The following CUBN variants were observed in gnomAD, a reference collection of about 807,000 sequenced individuals.
CUBN encodes the protein cubilin, also known as 460 kDa receptor.
A neutral mutation model predicts 405.3 loss-of-function variants in CUBN; 282 were observed. The observed-to-expected ratio is 0.70, with a 90% confidence interval of 0.63 to 0.77. The LOEUF is 0.77. Among genes scored for constraint, CUBN ranks in the 30% least tolerant of loss-of-function variants. CUBN has a pLI of 0.00. For missense variants in CUBN, 4,514 were observed against 4,475.2 expected, an observed-to-expected ratio of 1.01 and a Z score of -0.25; for synonymous variants, 1,684 against 1,617.0, an observed-to-expected ratio of 1.04 and a Z score of -0.99.
intron 27 of CUBN, among the ~76,000 whole-genome samples, chr10:17,023,021 A>T (rs969696563): frequency 3.3e-5 from 5 of 152,236 alleles, no homozygotes; most frequent in Admixed American, 6.5e-5. Context: ...GCACAAGGTC[A>T]TGAACAGCAT....
At position 17,081,885 on chromosome 10, in the gene CUBN, G is replaced by C. The variant is rs551881005; in HGVS notation, c.2301+2386C>G. Among the ~76,000 whole-genome samples the C allele has an allele frequency of 1.3e-3, 195 of 152,204 alleles. 1 individual carries two copies. Among genetic ancestry groups the C allele is most frequent in the African/African-American group, 4.5e-3 (185 of 41,520 alleles). On this transcript the variant is annotated intron_variant, in intron 17 of 66. Transcript: ENST00000377833. ...CAGGTTGGTTGTATTCCTTTAGGTT[G>C]GTTGGTCAAAGATATAATATAAAAA...
Position 16,928,286 on chromosome 10 carries a change from G to A in CUBN, c.6142C>T (p.Gln2048Ter). 6.2e-7 allele frequency: 1 copy of A among 1,613,812 alleles called. No homozygotes were observed. The highest frequency in any genetic ancestry group is 8.5e-7 in the Non-Finnish European group (1 of 1,179,894). Reference sequence around the variant, plus strand: ...CTGCCACAGAGAACTGCTAGCTGCTGGGCCAAGTTATTATCTCCTACGTTG... The same window carrying A: ...CTGCCACAGAGAACTGCTAGCTGCTAGGCCAAGTTATTATCTCCTACGTTG... ...VIRDGDNNLA[Q>*]QLAVLCGREI... Residue 2048 changes from glutamine (Q) to a stop codon, truncating the protein, a stop_gained, in exon 41 of 67, where the codon CAG becomes TAG. Coordinates refer to ENST00000377833, the MANE Select transcript of CUBN (RefSeq NM_001081.4). LOFTEE classifies it high-confidence loss of function.
At chr10:17,056,852 T>G (rs1835407283) in intron 22 of CUBN, among the ~76,000 whole-genome samples, 1 of 148,580 alleles carries the variant, frequency 6.7e-6, no homozygotes, top group Non-Finnish European at 1.5e-5. Flanking sequence ...AACATATGAC[T>G]CATTAATAAG....
At chr10:17,017,045 T>C (rs906166007) in intron 28 of CUBN, among the ~76,000 whole-genome samples, 3 of 152,164 alleles carry the variant, frequency 2.0e-5, no homozygotes, top group African/African-American at 7.2e-5. Flanking sequence ...CCACCTCTTT[T>C]TCAGGGTTTG....
intron 31 of CUBN, among the ~76,000 whole-genome samples, chr10:16,961,007 C>G (rs2131644682): frequency 6.6e-6 from 1 of 152,284 alleles, no homozygotes; most frequent in Non-Finnish European, 1.5e-5. Context: ...CAAGTCCCCT[C>G]CACATCCTCA....
intron 56 of CUBN, among the ~76,000 whole-genome samples, chr10:16,883,620 A>AT (rs879933303): frequency 6.6e-5 from 10 of 151,998 alleles, no homozygotes; most frequent in East Asian, 1.9e-4. Context: ...TCTAAAACTA[A>AT]TTTTTTTTTA....
rs573961819 is a variant in CUBN, at chr10:17,112,717, A to G, written c.883+1310T>C. Reference sequence around the variant, plus strand: ...TCTAAATATATACACGCAGAAAACCACTAAACCAAAAATCACTACATGGGG... The same window carrying G: ...TCTAAATATATACACGCAGAAAACCGCTAAACCAAAAATCACTACATGGGG... On this transcript the variant is annotated intron_variant, in intron 8 of 66. Transcript: ENST00000377833. 6.6e-5 allele frequency among the ~76,000 whole-genome samples: 10 copies of G among 152,076 alleles called. No homozygotes were observed. The South Asian group carries it at 2.1e-3, about 32-fold the overall frequency.
chr10:16,905,770 T>A (rs1431811640), intron 50 of CUBN, among the ~76,000 whole-genome samples: 1 of 152,104 alleles, frequency 6.6e-6, no homozygotes, highest in African/African-American at 2.4e-5. Flanking sequence ...TGTGTACCTA[T>A]GTTAGAGCCA....
At chr10:17,050,557 G>A (rs1387377080) in intron 22 of CUBN, among the ~76,000 whole-genome samples, 3 of 152,186 alleles carry the variant, frequency 2.0e-5, no homozygotes, top group Non-Finnish European at 2.9e-5. Flanking sequence ...AGCTAAGCCT[G>A]GGCTGAGAAT....
At chr10:16,904,236 A>G (rs780439767) in intron 50 of CUBN, 121 bp from the exon 51 acceptor site, 16 of 929,058 alleles carry the variant, frequency 1.7e-5, no homozygotes, top group Non-Finnish European at 2.8e-5. Flanking sequence ...CTGATTTAGT[A>G]GCAGACATTG....
intron 10 of CUBN, among the ~76,000 whole-genome samples, chr10:17,109,024 AAATAAT>A (rs1836704372): frequency 6.6e-6 from 1 of 152,210 alleles, no homozygotes; most frequent in Non-Finnish European, 1.5e-5. Context: ...CCAAGATGAA[AAATAAT>A]AATAATATCT....
chr10:17,107,748 C>T (rs1020269710), intron 10 of CUBN, among the ~76,000 whole-genome samples: 3 of 152,020 alleles, frequency 2.0e-5, no homozygotes, highest in Admixed American at 6.5e-5. Flanking sequence ...CCACCTGCCT[C>T]GACCTCCCAA....
chr10:16,907,318 T>C (rs1475308122), intron 49 of CUBN, among the ~76,000 whole-genome samples, 190 bp downstream of exon 49: 2 of 152,238 alleles, frequency 1.3e-5, no homozygotes, highest in Non-Finnish European at 2.9e-5. Flanking sequence ...TGGCAGTTTC[T>C]TTCTGAAATC....
chr10:16,876,886 T>C lies in CUBN; in HGVS notation c.9106+11A>G, dbSNP rs777325065. On this transcript the variant is annotated intron_variant, in intron 57 of 66. Transcript: ENST00000377833. ...AAGAAAATTCCAAACTCTGTCATTA[T>C]GGCTACTCACAGATTATCCTATAGG... 3 of 1,609,750 alleles carry C rather than the reference T, an allele frequency of 1.9e-6. No individual in the cohort carries two copies. Among genetic ancestry groups the C allele is most frequent in the Non-Finnish European group, 2.6e-6 (3 of 1,176,106 alleles).
chr10:16,990,237 C>G, intron 29 of CUBN, 97 bp downstream of exon 29: 2 of 1,121,128 alleles, frequency 1.8e-6, no homozygotes, highest in Admixed American at 1.7e-5. Flanking sequence ...GAATAGAACA[C>G]TGCTGACTAC....
chr10:16,976,027 G>A (rs1196892881), intron 31 of CUBN, among the ~76,000 whole-genome samples: 4 of 146,124 alleles, frequency 2.7e-5, no homozygotes, highest in Non-Finnish European at 5.9e-5. Flanking sequence ...CTGAAGTGCA[G>A]TGGCAAGATC....
chr10:17,025,295 A>T (rs965206499), intron 27 of CUBN, among the ~76,000 whole-genome samples: 3 of 152,222 alleles, frequency 2.0e-5, no homozygotes, highest in Non-Finnish European at 2.9e-5. Context: ...CTAATAGAAG[A>T]TTATATTTCA....
At chr10:17,073,222 G>A (rs1050649009) in intron 17 of CUBN, among the ~76,000 whole-genome samples, 1 of 151,982 alleles carries the variant, frequency 6.6e-6, no homozygotes, top group African/African-American at 2.4e-5. Flanking sequence ...TAAATTCACA[G>A]TCCATTGCCA....
chr10:16,933,831 T>G (rs1842425776), intron 39 of CUBN, among the ~76,000 whole-genome samples: 1 of 152,204 alleles, frequency 6.6e-6, no homozygotes, highest in African/African-American at 2.4e-5. Context: ...CCTTTCAAGT[T>G]TACTGGTCAG....
Sources: gnomAD v4.1 joint callset for allele counts (sites outside exome capture counted in the v4.1 genomes callset) on GRCh38, gnomAD v4.1.1 for gene constraint, MANE v1.5 for transcripts, NCBI Gene and HGNC (gene_info 2026-07-23, HGNC 2026-07-21) for gene names.